The following STXBP5 variants were observed in gnomAD, a reference collection of about 807,000 sequenced individuals.
STXBP5 encodes syntaxin binding protein 5.
Under a neutral mutation model 152.4 loss-of-function variants are expected in STXBP5, and 50 were observed. That is an observed-to-expected ratio of 0.33 (90% confidence interval 0.26 to 0.42). The LOEUF (loss-of-function observed/expected upper bound fraction) is 0.42, where lower values mean the gene tolerates loss of function less well. STXBP5 is among the 10% of genes least tolerant of loss of function. STXBP5 has a pLI of 1.00. For missense variants in STXBP5, 1,167 were observed against 1,388.6 expected (o/e 0.84, Z 2.54); for synonymous variants, 492 against 494.7 (o/e 0.99, Z 0.07).
chr6:147,281,730 G>A (rs1015186027), intron 8 of STXBP5, among the ~76,000 whole-genome samples: 7 of 152,120 alleles, frequency 4.6e-5, no homozygotes, highest in African/African-American at 1.7e-4. Context: ...AGTACTTTAC[G>A]ATGAGTTTTA....
rs796882567 is a variant in STXBP5, at chr6:147,236,778, C to CTT, written c.330+1464_330+1465dup. Among the ~76,000 whole-genome samples the CTT allele has an allele frequency of 3.6e-4, 49 of 135,874 alleles. 1 individual carries two copies. The highest frequency in any genetic ancestry group is 1.1e-3 in the African/African-American group (40 of 36,984). 89.1% of individuals were successfully genotyped at this position (135,874 alleles called of 152,430 possible). ...CCTGGCAACTATTAACCTGTTCTGT[C>CTT]TTTTTTTTTTTTTTTTTTGAGATGG... is the stretch of plus-strand genomic sequence containing the variant. On this transcript the variant is annotated intron_variant, in intron 3 of 27. Coordinates refer to ENST00000321680, the MANE Select transcript of STXBP5 (RefSeq NM_001127715.4).
At chr6:147,343,727 G>A (rs1784192878) in intron 21 of STXBP5, among the ~76,000 whole-genome samples, 1 of 152,110 alleles carries the variant, frequency 6.6e-6, no homozygotes, top group African/African-American at 2.4e-5. Flanking sequence ...TAGATCTGTT[G>A]CCATATGAAT....
chr6:147,349,727 G>A (rs912153524), intron 21 of STXBP5, among the ~76,000 whole-genome samples: 1 of 152,064 alleles, frequency 6.6e-6, no homozygotes, highest in Non-Finnish European at 1.5e-5. Flanking sequence ...CTCCTGGGAG[G>A]CCAGAAGTAT....
intron 9 of STXBP5, among the ~76,000 whole-genome samples, chr6:147,305,525 CA>C (rs1782045234): frequency 6.6e-6 from 1 of 152,050 alleles, no homozygotes; most frequent in African/African-American, 2.4e-5. Flanking sequence ...ACAATTTATG[CA>C]TATGAACCTA....
At chr6:147,233,620 G>T (rs1301485498) in intron 2 of STXBP5, among the ~76,000 whole-genome samples, 1 of 151,678 alleles carries the variant, frequency 6.6e-6, no homozygotes, top group East Asian at 1.9e-4. Context: ...GTGCCAGAAA[G>T]AATAATTTAG....
chr6:147,213,471 T>TGCGCGCGC (rs1210162851), intron 2 of STXBP5, among the ~76,000 whole-genome samples: 2 of 121,586 alleles, frequency 1.6e-5, no homozygotes, highest in African/African-American at 3.0e-5. Context: ...TGTGTGTGTG[T>TGCGCGCGC]GTGTGTGCGC....
In STXBP5 at chr6:147,390,228, A is replaced by C. The variant is rs1042553608; in HGVS notation, c.*5473A>C. ...AAAAGCACTATTGGAAACACTAAAA[A>C]CGTGTTAAACTTTGTAGTTATTTTG... On this transcript the variant is annotated 3_prime_UTR_variant, in exon 28 of 28. Transcript: ENST00000321680. The C allele has an allele frequency of 3.3e-5, 5 of 152,020 alleles. No homozygotes were observed. Among genetic ancestry groups the C allele is most frequent in the African/African-American group, 1.2e-4 (5 of 41,416 alleles). 9.4% of individuals were successfully genotyped at this position (152,020 alleles called of 1,614,324 possible). A position where few individuals can be genotyped will look rare whatever the true frequency, so the allele number is the denominator to read the frequency against.
chr6:147,263,839 A>G (rs1046005893), intron 6 of STXBP5, among the ~76,000 whole-genome samples: 2 of 151,886 alleles, frequency 1.3e-5, no homozygotes, highest in Admixed American at 6.6e-5. Context: ...TTTCACATTT[A>G]TTAGTACTTT....
chr6:147,266,921 AT>A (rs1779923274), intron 6 of STXBP5, among the ~76,000 whole-genome samples, 162 bp from the exon 7 acceptor site: 1 of 152,188 alleles, frequency 6.6e-6, no homozygotes, highest in Non-Finnish European at 1.5e-5. Flanking sequence ...CAGTGTTCTC[AT>A]TTGTCATTTA....
intron 4 of STXBP5, among the ~76,000 whole-genome samples, chr6:147,254,636 A>G (rs763727211): frequency 1.3e-5 from 2 of 152,244 alleles, no homozygotes; most frequent in Non-Finnish European, 2.9e-5. Context: ...AAACTTCTCA[A>G]ATGAAGACAT....
At chr6:147,236,589 T>C (rs1778281063) in intron 3 of STXBP5, among the ~76,000 whole-genome samples, 1 of 113,788 alleles carries the variant, frequency 8.8e-6, no homozygotes, top group African/African-American at 3.5e-5. Flanking sequence ...ATATATGGAC[T>C]CATTTGTGTG....
At position 147,314,175 on chromosome 6, in the gene STXBP5, G is replaced by T. The variant is rs76521683; in HGVS notation, c.1294-89G>T. On this transcript the variant is annotated intron_variant, in intron 12 of 27. Transcript: ENST00000321680. ...TGCAAGCAAAATATGTTTTTCACTG[G>T]ATTATTTACACACACACACACACAC... The T allele has an allele frequency of 0.02, 26,735 of 1,311,212 alleles. 2,026 individuals carry two copies. In the East Asian group the frequency reaches 0.26, roughly 13 times the overall value. The allele number at this position is 1,311,212 out of a possible 1,614,324, so 81.2% of individuals were successfully genotyped here.
At chr6:147,250,240 C>T (rs1779015654) in intron 4 of STXBP5, among the ~76,000 whole-genome samples, 1 of 152,064 alleles carries the variant, frequency 6.6e-6, no homozygotes, top group African/African-American at 2.4e-5. Context: ...AAGAAAAATC[C>T]ACCATTTGCC....
Position 147,235,335 on chromosome 6 carries a change from A to G in STXBP5, c.330+4A>G. ...GCTCCAGTTCCTGATTAATGAGGTTAGTGAATTGTTTTAATCATTTCTACT... is the reference window on the plus strand; with the variant it reads ...GCTCCAGTTCCTGATTAATGAGGTTGGTGAATTGTTTTAATCATTTCTACT... On this transcript the variant is annotated splice_donor_region_variant and intron_variant, in intron 3 of 27. Transcript: ENST00000321680. The G allele has an allele frequency of 6.2e-7, 1 of 1,611,024 alleles. No homozygotes were observed. Among genetic ancestry groups the G allele is most frequent in the Non-Finnish European group, 8.5e-7 (1 of 1,178,062 alleles).
chr6:147,243,657 A>G (rs191851883), intron 4 of STXBP5, among the ~76,000 whole-genome samples: 7 of 152,300 alleles, frequency 4.6e-5, no homozygotes, highest in Admixed American at 3.9e-4. Flanking sequence ...ACCAAACTCA[A>G]GATCACTACC....
chr6:147,322,848 A>G lies in STXBP5; in HGVS notation c.1803-2111A>G, dbSNP rs564087648. Reference sequence around the variant, plus strand: ...GTTTTCTGGTACAAGTATAGCAGGTATTGTTTCAGAAGGTCTCACACTCTT... The same window carrying G: ...GTTTTCTGGTACAAGTATAGCAGGTGTTGTTTCAGAAGGTCTCACACTCTT... On this transcript the variant is annotated intron_variant, in intron 16 of 27. Coordinates refer to ENST00000321680, the MANE Select transcript of STXBP5 (RefSeq NM_001127715.4). Among the ~76,000 whole-genome samples, 8 of 152,298 alleles carry G rather than the reference A, an allele frequency of 5.3e-5. No individual in the cohort carries two copies. In the South Asian group the frequency reaches 1.7e-3, roughly 32 times the overall value.
At chr6:147,354,007 ATATAAAACATGG>A (rs1784708319) in intron 22 of STXBP5, among the ~76,000 whole-genome samples, 1 of 152,212 alleles carries the variant, frequency 6.6e-6, no homozygotes, top group Admixed American at 6.5e-5. Flanking sequence ...CATGTAATAC[ATATAAAACATGG>A]TATCTTTTTA....
intron 4 of STXBP5, among the ~76,000 whole-genome samples, chr6:147,240,202 A>G (rs1326605300): frequency 6.6e-6 from 1 of 152,134 alleles, no homozygotes; most frequent in Non-Finnish European, 1.5e-5. Flanking sequence ...TCAGCCTCCC[A>G]AAGAGCTGGG....
At chr6:147,302,943 A>G (rs1215811497) in intron 9 of STXBP5, among the ~76,000 whole-genome samples, 1 of 152,166 alleles carries the variant, frequency 6.6e-6, no homozygotes, top group Non-Finnish European at 1.5e-5. Flanking sequence ...GATGTCATAG[A>G]TAATTCAGTA....
Sources: allele counts gnomAD v4.1 joint callset (sites outside exome capture counted in the v4.1 genomes callset), GRCh38; gene constraint gnomAD v4.1.1; transcripts MANE v1.5; gene names NCBI Gene and HGNC (gene_info 2026-07-23, HGNC 2026-07-21).